MIOS: variants seen among roughly 807,000 people sequenced by gnomAD.
MIOS encodes GATOR2 complex protein MIOS.
In MIOS, 52 loss-of-function variants were observed where a neutral mutation model predicts 96.9. That is an observed-to-expected ratio of 0.54 (90% CI 0.43 to 0.68). The LOEUF (loss-of-function observed/expected upper bound fraction) is 0.68. Among genes scored for constraint, MIOS ranks in the 30% least tolerant of loss-of-function variants. The pLI, the probability that MIOS is intolerant of heterozygous loss-of-function variation, is 0.00. For synonymous variants in MIOS, 397 were observed against 359.5 expected, an observed-to-expected ratio of 1.10 and a Z score of -1.18; for missense variants, 1,005 against 1,052.8, an observed-to-expected ratio of 0.95 and a Z score of 0.63.
Position 7,583,141 on chromosome 7 carries a change from A to G in MIOS, c.1417A>G (p.Asn473Asp). 1 of 1,613,590 alleles carries G rather than the reference A, an allele frequency of 6.2e-7. No homozygotes were observed. The highest frequency in any genetic ancestry group is 1.3e-5 in the African/African-American group (1 of 75,056). The stretch of plus-strand genomic sequence containing the variant: ...AGGAATGGTGGAAAGCAGCAGACAT[A>G]ATTGGAGTGGGTTGGATAAGCAAAG... Reference protein sequence around the residue: ...SLGMVESSRHNWSGLDKQSDI... With the variant: ...SLGMVESSRHDWSGLDKQSDI... The change falls in exon 6 of 13, where the codon AAT (asparagine) becomes GAT (aspartate). Residue 473 changes from asparagine to aspartate, a missense_variant. By Grantham distance (23) the Asn-to-Asp change is conservative (BLOSUM62 1). Around this residue, in one of 3 missense-constraint regions of MIOS, gnomAD observed 865 missense variants for 887.9 expected, o/e 0.97. Transcript: ENST00000340080.
chr7:7,594,515 G>A (rs1228766798), intron 9 of MIOS, among the ~76,000 whole-genome samples: 1 of 152,066 alleles, frequency 6.6e-6, no homozygotes, highest in Non-Finnish European at 1.5e-5. Flanking sequence ...GGCTGGTCTC[G>A]AACTCCTGAC....
rs181292613 is a variant in MIOS, at chr7:7,605,847, C to G, written c.2402-95C>G. The G allele has an allele frequency of 5.6e-6, 7 of 1,255,940 alleles. No individual in the cohort carries two copies. In the Admixed American group the frequency reaches 1.5e-4, roughly 27 times the overall value. 77.8% of individuals were successfully genotyped at this position (1,255,940 alleles called of 1,614,324 possible). On this transcript the variant is annotated intron_variant, in intron 11 of 12. Coordinates refer to ENST00000340080, the MANE Select transcript of MIOS (RefSeq NM_019005.4). ...TGCTATTTCAATATGATGTGTGATT[C>G]ATATTTGGAACACAGTTTTAGAAAT...
chr7:7,585,819 T>C lies in MIOS; in HGVS notation c.1818+14T>C. The C allele has an allele frequency of 6.3e-7, 1 of 1,583,216 alleles. No individual in the cohort carries two copies. The highest frequency in any genetic ancestry group is 8.6e-7 in the Non-Finnish European group (1 of 1,165,636). ...GATGGAGTTTTGGTAAGCTAACTTGTTTTTTAAGATCTTCCTTTGAATTAA... is the reference window on the plus strand; with the variant it reads ...GATGGAGTTTTGGTAAGCTAACTTGCTTTTTAAGATCTTCCTTTGAATTAA... On this transcript the variant is annotated intron_variant, in intron 7 of 12. Transcript: ENST00000340080.
At chr7:7,604,251 C>T (rs1055816533) in intron 11 of MIOS, among the ~76,000 whole-genome samples, 3 of 151,858 alleles carry the variant, frequency 2.0e-5, no homozygotes, top group Admixed American at 6.6e-5. Flanking sequence ...GCTAGTGGCT[C>T]GAGTATCTAA....
rs755947925 is a variant in MIOS, at chr7:7,573,609, GGAA to G, written c.1141_1143del (p.Glu381del). ...GTGGTCGTCATTTATATGAATGTAC[GGAA>G]GAAGAAAATGATAATTCTTTAGAAA... On this transcript the variant is annotated inframe_deletion, in exon 4 of 13. Coordinates refer to ENST00000340080, the MANE Select transcript of MIOS (RefSeq NM_019005.4). The surrounding 1 kb of genome is among the most constrained non-coding windows in gnomAD (Gnocchi z 5.0). 1.9e-6 allele frequency: 3 copies of G among 1,613,972 alleles called. No homozygotes were observed. The highest frequency in any genetic ancestry group is 2.5e-6 in the Non-Finnish European group (3 of 1,179,924).
chr7:7,597,030 A>C (rs1444031714), intron 11 of MIOS, among the ~76,000 whole-genome samples: 1 of 152,116 alleles, frequency 6.6e-6, no homozygotes, highest in African/African-American at 2.4e-5. Context: ...CCCCATCTCT[A>C]TAAAAAATTT....
chr7:7,593,572 T>C (rs1583648220), intron 9 of MIOS, among the ~76,000 whole-genome samples: 2 of 152,146 alleles, frequency 1.3e-5, no homozygotes, highest in South Asian at 4.1e-4. Context: ...AAGGAAGATA[T>C]CCTGGACAGG....
chr7:7,574,557 A>G (rs1487880900), intron 5 of MIOS, among the ~76,000 whole-genome samples: 1 of 152,178 alleles, frequency 6.6e-6, no homozygotes, highest in South Asian at 2.1e-4. Flanking sequence ...CTTAAAAACT[A>G]AAAAGATCTC....
intron 11 of MIOS, among the ~76,000 whole-genome samples, chr7:7,597,308 A>C (rs1007071510): frequency 1.4e-5 from 2 of 142,928 alleles, no homozygotes; most frequent in African/African-American, 5.2e-5. Flanking sequence ...CCTGGGCGAC[A>C]GAGCAAGACT....
Position 7,572,931 on chromosome 7 carries a change from T to C in MIOS, c.456T>C (p.Thr152=), listed in dbSNP as rs745707845. ...TATGGGATATCTGCAGCAAATATAC[T>C]CCTGATATAGTTCCCATGGAAAAAG... ...VLIWDICSKY[T]PDIVPMEKVK... The change falls in exon 4 of 13, where the codon ACT becomes ACC. Residue 152 remains threonine, a synonymous_variant. Transcript: ENST00000340080. The surrounding 1 kb of genome is among the most constrained non-coding windows in gnomAD (Gnocchi z 4.8). 1 of 1,614,126 alleles carries C rather than the reference T, an allele frequency of 6.2e-7. No individual in the cohort carries two copies. The highest frequency in any genetic ancestry group is 8.5e-7 in the Non-Finnish European group (1 of 1,179,994).
intron 11 of MIOS, among the ~76,000 whole-genome samples, chr7:7,597,597 C>T (rs1447967490): frequency 6.8e-6 from 1 of 146,808 alleles, no homozygotes; most frequent in Non-Finnish European, 1.5e-5. Context: ...TTATACATTG[C>T]ATACTGACCA....
chr7:7,596,550 AGAGTT>A, intron 11 of MIOS, 89 bp downstream of exon 11: 3 of 1,266,346 alleles, frequency 2.4e-6, no homozygotes, highest in Non-Finnish European at 2.2e-6. Context: ...CAAACTAGCT[AGAGTT>A]ATTATTTCTA....
intron 6 of MIOS, among the ~76,000 whole-genome samples, chr7:7,585,230 C>T (rs184103771): frequency 6.6e-6 from 1 of 152,192 alleles, no homozygotes; most frequent in East Asian, 1.9e-4. Context: ...CAATAACATA[C>T]ATATATGGGA....
chr7:7,581,814 A>G (rs1441242515), intron 5 of MIOS: 1 of 152,138 alleles, frequency 6.6e-6, no homozygotes, highest in Non-Finnish European at 1.5e-5. Flanking sequence ...TCTTACCTCG[A>G]GACTGTCTTT....
chr7:7,567,236 G>T (rs1028542561), intron 1 of MIOS, 164 bp downstream of exon 1: 4 of 152,360 alleles, frequency 2.6e-5, no homozygotes, highest in Admixed American at 2.6e-4. Context: ...CCGGGCCTCA[G>T]CGGGAGCCAC....
intron 3 of MIOS, among the ~76,000 whole-genome samples, chr7:7,569,953 G>C (rs1159035501): frequency 6.6e-6 from 1 of 152,196 alleles, no homozygotes; most frequent in Non-Finnish European, 1.5e-5. Context: ...CGGTGCAGTA[G>C]GCAGAGACCA....
intron 11 of MIOS, among the ~76,000 whole-genome samples, chr7:7,602,201 A>G (rs1784399905): frequency 1.3e-5 from 2 of 152,208 alleles, no homozygotes; most frequent in African/African-American, 4.8e-5. Context: ...CCTATTCAAC[A>G]TAGTGTTGGA....
Position 7,574,130 on chromosome 7 carries a change from A to G in MIOS, c.1327A>G (p.Lys443Glu). 6.2e-7 allele frequency: 1 copy of G among 1,611,224 alleles called. No homozygotes were observed. ...MKQYTEDMDQ[K>E]SPGNKGSLVY... ...GCAATACACAGAAGATATGGATCAG[A>G]AATCTCCAGGCAACAAAGGATCATT... The change falls in exon 5 of 13, where the codon AAA (lysine) becomes GAA (glutamate). Residue 443 changes from lysine to glutamate, a missense_variant. Around this residue, in one of 3 missense-constraint regions of MIOS, gnomAD observed 865 missense variants for 887.9 expected, o/e 0.97. Transcript: ENST00000340080.
intron 11 of MIOS, among the ~76,000 whole-genome samples, chr7:7,603,464 T>G (rs1340673525): frequency 6.6e-6 from 1 of 151,526 alleles, no homozygotes; most frequent in Admixed American, 6.6e-5. Context: ...TGAAAAAATG[T>G]TCATCATCAC....
Sources: gnomAD v4.1 joint callset for allele counts (sites outside exome capture counted in the v4.1 genomes callset) on GRCh38, gnomAD v4.1.1 for gene constraint, gnomAD v4.1.1 regional missense constraint, Gnocchi (gnomAD v3.1) non-coding constraint, MANE v1.5 for transcripts, NCBI Gene and HGNC (gene_info 2026-07-23, HGNC 2026-07-21) for gene names.